Variants in PIK3R6 observed in about 807,000 individuals in gnomAD.
PIK3R6 encodes the protein phosphoinositide-3-kinase regulatory subunit 6.
In PIK3R6, 91 loss-of-function variants were observed where a neutral mutation model predicts 84.9. The ratio of observed to expected loss-of-function variants is 1.07; its 90% CI spans 0.90 to 1.28. The LOEUF is 1.28. PIK3R6 is among the 50% of genes most tolerant of loss of function. The probability of loss-of-function intolerance (pLI) is 0.00; values close to 1 mark genes in which losing one functional copy is unlikely to be tolerated. For synonymous variants in PIK3R6, 416 were observed against 411.4 expected (o/e 1.01, Z -0.13); for missense variants, 996 against 985.1 (o/e 1.01, Z -0.15).
rs561717889 is a variant in PIK3R6 at position 8,811,999 on chromosome 17, T to G, written c.1995+7084A>C. 7.2e-5 allele frequency among the ~76,000 whole-genome samples: 11 copies of G among 152,068 alleles called. No homozygotes were observed. In the East Asian group the frequency reaches 1.2e-3, roughly 16 times the overall value. Reference sequence around the variant, plus strand: ...GACTGGGAAATTTACAAAAGAAAGATGTTTAATGGACTTACAGTTCCACAT... The same window carrying G: ...GACTGGGAAATTTACAAAAGAAAGAGGTTTAATGGACTTACAGTTCCACAT... On this transcript the variant is annotated intron_variant, in intron 18 of 19. Transcript: ENST00000619866.
At chr17:8,852,004 T>C (rs947106131) in intron 1 of PIK3R6, among the ~76,000 whole-genome samples, 1 of 152,178 alleles carries the variant, frequency 6.6e-6, no homozygotes, top group Non-Finnish European at 1.5e-5. Flanking sequence ...TTATGCTGAG[T>C]GAAGTAAGTC....
intron 2 of PIK3R6, 38 bp downstream of exon 2, chr17:8,849,744 G>C (rs760245240): frequency 1.3e-6 from 2 of 1,596,478 alleles, no homozygotes; most frequent in South Asian, 2.3e-5. Flanking sequence ...CCACTCGGCA[G>C]CAGGCTCACT....
intron 2 of PIK3R6, among the ~76,000 whole-genome samples, chr17:8,843,048 T>C (rs2088724963): frequency 1.3e-5 from 2 of 152,124 alleles, no homozygotes; most frequent in Non-Finnish European, 2.9e-5. Context: ...CTGAATCTCC[T>C]CCAGGCTGAG....
chr17:8,833,156 C>A, intron 8 of PIK3R6, 111 bp from the exon 9 acceptor site: 8 of 1,384,440 alleles, frequency 5.8e-6, no homozygotes, highest in Non-Finnish European at 7.6e-6. Flanking sequence ...TCTCCGCTGC[C>A]CCTGGGGGCC....
At chr17:8,804,187 C>T in intron 18 of PIK3R6, 34 bp from the exon 19 acceptor site, 1 of 1,567,732 alleles carries the variant, frequency 6.4e-7, no homozygotes, top group Non-Finnish European at 8.8e-7. Context: ...TGAGTGTTGC[C>T]TTTGCTCGAC....
chr17:8,811,863 A>T (rs2087367732), intron 18 of PIK3R6, among the ~76,000 whole-genome samples: 1 of 148,130 alleles, frequency 6.8e-6, no homozygotes. Context: ...TCTGCCTGTT[A>T]CCCAGTTCCA....
At position 8,802,986 on chromosome 17, in the gene PIK3R6, T is replaced by G; in HGVS notation, c.*287A>C. On this transcript the variant is annotated 3_prime_UTR_variant, in exon 20 of 20. Transcript: ENST00000619866. Reference sequence around the variant, plus strand: ...GGGTGGGAGAGGACAGTGGGAGAAGTGGGAATTGAAGCTAAATGAAGGAGT... The same window carrying G: ...GGGTGGGAGAGGACAGTGGGAGAAGGGGGAATTGAAGCTAAATGAAGGAGT... 1 of 366,516 alleles carries G rather than the reference T, an allele frequency of 2.7e-6. No homozygotes were observed. Among genetic ancestry groups the G allele is most frequent in the Non-Finnish European group, 5.0e-6 (1 of 199,642 alleles). The allele number at this position is 366,516 out of a possible 1,614,324, so 22.7% of individuals were successfully genotyped here. A position where few individuals can be genotyped will look rare whatever the true frequency, so the allele number is the denominator to read the frequency against.
At position 8,820,984 on chromosome 17, in the gene PIK3R6, T is replaced by C. The variant is rs567163665; in HGVS notation, c.1879+862A>G. On this transcript the variant is annotated intron_variant, in intron 17 of 19. Transcript: ENST00000619866. ...CATTTTTAAAACAAATTTTTGAATG[T>C]AAAGTAGCATTTCATTTATTCTAGA... Among the ~76,000 whole-genome samples the C allele has an allele frequency of 2.6e-5, 4 of 152,376 alleles. No homozygotes were observed. In the South Asian group the frequency reaches 8.3e-4, roughly 32 times the overall value.
At chr17:8,845,552 G>T (rs1214010574) in intron 2 of PIK3R6, among the ~76,000 whole-genome samples, 2 of 152,044 alleles carry the variant, frequency 1.3e-5, no homozygotes, top group Admixed American at 1.3e-4. Context: ...TATATATTCT[G>T]GATATTAGAC....
chr17:8,823,077 T>C lies in PIK3R6; in HGVS notation c.1636A>G (p.Ser546Gly), dbSNP rs771950378. The C allele has an allele frequency of 1.9e-6, 3 of 1,601,922 alleles. No homozygotes were observed. The highest frequency in any genetic ancestry group is 2.6e-6 in the Non-Finnish European group (3 of 1,169,088). ...FQIYTVKIFF[S>G]DLSQDPTEDI... is the part of the protein sequence containing the mutation. Reference sequence around the variant, plus strand: ...TCAGTAGGGTCTTGGCTCAGGTCACTGAAAAAGATCTGGAGAGAGGAAGGG... The same window carrying C: ...TCAGTAGGGTCTTGGCTCAGGTCACCGAAAAAGATCTGGAGAGAGGAAGGG... Residue 546 changes from serine (S) to glycine (G), a missense_variant, in exon 15 of 20, where the codon AGT becomes GGT. Transcript: ENST00000619866.
At chr17:8,817,167 G>T (rs1200755095) in intron 18 of PIK3R6, among the ~76,000 whole-genome samples, 1 of 151,988 alleles carries the variant, frequency 6.6e-6, no homozygotes, top group African/African-American at 2.4e-5. Flanking sequence ...AATCACCAAG[G>T]TATAGACCAG....
At chr17:8,819,439 C>T (rs954004070) in intron 17 of PIK3R6, among the ~76,000 whole-genome samples, 2 of 151,916 alleles carry the variant, frequency 1.3e-5, no homozygotes, top group Admixed American at 6.6e-5. Flanking sequence ...CATCACCAAC[C>T]CAAATCCGCA....
chr17:8,819,564 G>T (rs114272861), intron 17 of PIK3R6, among the ~76,000 whole-genome samples: 1,560 of 151,736 alleles, frequency 0.01, 37 homozygotes, highest in African/African-American at 0.036. Flanking sequence ...AGAAGCACCT[G>T]CCCAGGGATG....
chr17:8,845,590 A>G (rs1009709299), intron 2 of PIK3R6, among the ~76,000 whole-genome samples: 7 of 151,954 alleles, frequency 4.6e-5, no homozygotes, highest in Non-Finnish European at 1.0e-4. Context: ...CTTTGTGAAT[A>G]TTTTCTCCCA....
intron 1 of PIK3R6, among the ~76,000 whole-genome samples, chr17:8,857,547 A>G (rs2089172271): frequency 6.6e-6 from 1 of 152,202 alleles, no homozygotes; most frequent in Admixed American, 6.5e-5. Flanking sequence ...GCCTCGAAAG[A>G]AAAGAAATCT....
intron 8 of PIK3R6, 136 bp from the exon 9 acceptor site, chr17:8,833,181 C>T: frequency 7.8e-7 from 1 of 1,275,948 alleles, no homozygotes; most frequent in Non-Finnish European, 1.0e-6. Context: ...AGGAGCTTCC[C>T]CCGAAGGCTT....
chr17:8,829,042 G>T, intron 10 of PIK3R6, 52 bp from the exon 11 acceptor site: 1 of 1,460,816 alleles, frequency 6.8e-7, no homozygotes, highest in Non-Finnish European at 9.1e-7. Flanking sequence ...GCAGGGCTAC[G>T]TTTCTGATTT....
chr17:8,843,853 C>G (rs1567604457), intron 2 of PIK3R6, among the ~76,000 whole-genome samples: 1 of 152,132 alleles, frequency 6.6e-6, no homozygotes, highest in African/African-American at 2.4e-5. Context: ...CTCGGTTTCA[C>G]TCATTTATAT....
At position 8,828,202 on chromosome 17, in the gene PIK3R6, C is replaced by A; in HGVS notation, c.1314-12G>T. On this transcript the variant is annotated splice_polypyrimidine_tract_variant and intron_variant, in intron 11 of 19. Coordinates refer to ENST00000619866, the MANE Select transcript of PIK3R6 (RefSeq NM_001010855.4). Reference sequence around the variant, plus strand: ...GGGTCTCCCGTTTCCTAGCAATGGGCAGCAAAGCAGAGGAGGTTAGGGGCG... The same window carrying A: ...GGGTCTCCCGTTTCCTAGCAATGGGAAGCAAAGCAGAGGAGGTTAGGGGCG... The A allele has an allele frequency of 6.2e-7, 1 of 1,613,300 alleles. No individual in the cohort carries two copies. The highest frequency in any genetic ancestry group is 2.2e-5 in the East Asian group (1 of 44,878).
Sources: allele counts gnomAD v4.1 joint callset (sites outside exome capture counted in the v4.1 genomes callset), GRCh38; gene constraint gnomAD v4.1.1; transcripts MANE v1.5; gene names NCBI Gene and HGNC (gene_info 2026-07-23, HGNC 2026-07-21).